The following SAMD12 variants were observed in gnomAD, a reference collection of about 807,000 sequenced individuals.
The protein encoded by SAMD12 is sterile alpha motif domain-containing protein 12.
A neutral mutation model predicts 15.0 loss-of-function variants in SAMD12; 9 were observed. The ratio of observed to expected loss-of-function variants is 0.60; its 90% CI spans 0.36 to 1.05. The LOEUF is 1.05. Among genes scored for constraint, SAMD12 ranks in the 50% least tolerant of loss-of-function variants. The probability of loss-of-function intolerance (pLI) is 0.01; values close to 1 mark genes in which losing one functional copy is unlikely to be tolerated. For missense variants in SAMD12, 230 were observed against 234.2 expected, an observed-to-expected ratio of 0.98 and a Z score of 0.12; for synonymous variants, 86 against 90.1, an observed-to-expected ratio of 0.96 and a Z score of 0.25.
In SAMD12 at chr8:118,237,860, T is replaced by A. The variant is rs188146814; in HGVS notation, c.434-40128A>T. Reference sequence around the variant, plus strand: ...CTCTCTTCCATCTCCTCCTTCCTTTTCTCCCTCTGTTCCAATGCACTGCGA... The same window carrying A: ...CTCTCTTCCATCTCCTCCTTCCTTTACTCCCTCTGTTCCAATGCACTGCGA... On this transcript the variant is annotated intron_variant, in intron 4 of 4. Coordinates refer to the SAMD12 transcript ENST00000409003. Among the ~76,000 whole-genome samples the A allele has an allele frequency of 1.1e-3, 168 of 152,292 alleles. 1 individual carries two copies. The highest frequency in any genetic ancestry group is 9.6e-4 in the Non-Finnish European group (65 of 68,024).
intron 3 of SAMD12, among the ~76,000 whole-genome samples, chr8:118,417,627 G>A (rs1324526542): frequency 1.3e-5 from 2 of 152,026 alleles, no homozygotes; most frequent in African/African-American, 4.8e-5. Flanking sequence ...TAGAGATAAT[G>A]ATAAAATATT....
intron 2 of SAMD12, among the ~76,000 whole-genome samples, chr8:118,440,983 CATT>C (rs1187411234): frequency 6.6e-6 from 1 of 152,040 alleles, no homozygotes; most frequent in African/African-American, 2.4e-5. Context: ...AGGACGTGGC[CATT>C]ATTATCCCTG....
intron 4 of SAMD12, among the ~76,000 whole-genome samples, chr8:118,254,892 C>T (rs1244469267): frequency 6.6e-6 from 1 of 151,950 alleles, no homozygotes; most frequent in Non-Finnish European, 1.5e-5. Context: ...ATGCCTCCTG[C>T]TTGAGAGTCC....
At chr8:118,432,031 A>C (rs888300051) in intron 3 of SAMD12, among the ~76,000 whole-genome samples, 2 of 152,026 alleles carry the variant, frequency 1.3e-5, no homozygotes, top group African/African-American at 4.8e-5. Context: ...GAGTCTACTG[A>C]TGATCCCCTT....
At chr8:118,593,769 G>A (rs1439683654) in intron 1 of SAMD12, among the ~76,000 whole-genome samples, 2 of 152,116 alleles carry the variant, frequency 1.3e-5, no homozygotes, top group Non-Finnish European at 2.9e-5. Context: ...CAGAAATTAC[G>A]TCGGAAAATT....
intron 1 of SAMD12, 144 bp from the exon 2 acceptor site, chr8:118,581,037 T>C: frequency 1.7e-6 from 1 of 583,146 alleles, no homozygotes; most frequent in Non-Finnish European, 2.9e-6. Context: ...ATAAATAATA[T>C]GGTGAGGAGG....
At chr8:118,450,830 A>G (rs571409494) in intron 2 of SAMD12, among the ~76,000 whole-genome samples, 20 of 152,230 alleles carry the variant, frequency 1.3e-4, no homozygotes, top group Admixed American at 2.0e-4. Flanking sequence ...TTTCTGAGAT[A>G]TATTTCCAAG....
intron 1 of SAMD12, among the ~76,000 whole-genome samples, chr8:118,587,132 C>T (rs1586838578): frequency 1.3e-5 from 2 of 152,184 alleles, no homozygotes; most frequent in Non-Finnish European, 2.9e-5. Context: ...AACAAATATA[C>T]TCCAATCCCC....
rs561761044 is a variant in SAMD12, at chr8:118,338,609, C to A, written c.433+40951G>T. Among the ~76,000 whole-genome samples, 8 of 152,224 alleles carry A rather than the reference C, an allele frequency of 5.3e-5. No homozygotes were observed. The South Asian group carries it at 1.7e-3, about 32-fold the overall frequency. ...TGGTTGCCATTGCTGTTGTTTTTAC[C>A]TTTTCTTTTGGGATTTCTACTTGAA... On this transcript the variant is annotated intron_variant, in intron 4 of 4. Transcript: ENST00000409003.
intron 2 of SAMD12, among the ~76,000 whole-genome samples, chr8:118,490,568 C>A (rs1032295599): frequency 6.6e-6 from 1 of 152,152 alleles, no homozygotes; most frequent in Non-Finnish European, 1.5e-5. Flanking sequence ...CAACAACCAC[C>A]ACAAATCCAA....
At chr8:118,610,898 A>G (rs1165594046) in intron 1 of SAMD12, among the ~76,000 whole-genome samples, 1 of 152,198 alleles carries the variant, frequency 6.6e-6, no homozygotes, top group East Asian at 1.9e-4. Context: ...ATCTTACTCT[A>G]TCCCTAGATC....
intron 4 of SAMD12, among the ~76,000 whole-genome samples, chr8:118,303,050 A>T (rs1815131548): frequency 6.6e-6 from 1 of 152,190 alleles, no homozygotes; most frequent in African/African-American, 2.4e-5. Flanking sequence ...ACAAGTGAAG[A>T]CTCATCCATC....
intron 4 of SAMD12, among the ~76,000 whole-genome samples, chr8:118,293,232 T>C (rs1481839634): frequency 6.6e-6 from 1 of 152,056 alleles, no homozygotes; most frequent in Non-Finnish European, 1.5e-5. Context: ...CCAGACCTAG[T>C]CCCCTAAGTT....
chr8:118,491,711 A>G (rs940385170), intron 2 of SAMD12, among the ~76,000 whole-genome samples: 1 of 152,152 alleles, frequency 6.6e-6, no homozygotes, highest in Non-Finnish European at 1.5e-5. Flanking sequence ...AAACATGTGC[A>G]TGTGTCTGGC....
chr8:118,139,550 G>T, the SAMD12 span, among the ~76,000 whole-genome samples: 5 of 152,060 alleles, frequency 3.3e-5, no homozygotes, highest in Non-Finnish European at 5.9e-5. Context: ...AGAGATGGGA[G>T]TCTTTCTGTC....
At chr8:118,391,123 C>T (rs1047602929) in intron 3 of SAMD12, among the ~76,000 whole-genome samples, 6 of 151,932 alleles carry the variant, frequency 3.9e-5, no homozygotes, top group Admixed American at 3.9e-4. Flanking sequence ...TTACCAAATC[C>T]CATCCAAAAA....
chr8:118,319,085 T>C (rs1816095014), intron 4 of SAMD12, among the ~76,000 whole-genome samples: 1 of 152,158 alleles, frequency 6.6e-6, no homozygotes, highest in Admixed American at 6.5e-5. Context: ...GCCATAAAGC[T>C]GGAGCATTGC....
At chr8:118,548,413 A>ACG (rs1411726966) in intron 2 of SAMD12, among the ~76,000 whole-genome samples, 1 of 147,682 alleles carries the variant, frequency 6.8e-6, no homozygotes, top group Non-Finnish European at 1.5e-5. Flanking sequence ...ACACACACAC[A>ACG]CACACACACA....
intron 2 of SAMD12, among the ~76,000 whole-genome samples, chr8:118,464,676 T>C (rs757445288): frequency 6.6e-6 from 1 of 152,196 alleles, no homozygotes; most frequent in Non-Finnish European, 1.5e-5. Context: ...GCAAACATAG[T>C]TCCTGTTACA....
Sources: gnomAD v4.1 joint callset for allele counts (sites outside exome capture counted in the v4.1 genomes callset) on GRCh38, gnomAD v4.1.1 for gene constraint, MANE v1.5 for transcripts, NCBI Gene and HGNC (gene_info 2026-07-23, HGNC 2026-07-21) for gene names.